TLN2: variants seen among roughly 807,000 people sequenced by gnomAD.
TLN2 encodes talin 2, also known as talin-2.
Under a neutral mutation model 294.7 loss-of-function variants are expected in TLN2, and 118 were observed. The ratio of observed to expected loss-of-function variants is 0.40; its 90% CI spans 0.34 to 0.47. The LOEUF (loss-of-function observed/expected upper bound fraction) is 0.47, where lower values mean the gene tolerates loss of function less well. TLN2 is among the 20% of genes least tolerant of loss of function. The pLI, the probability that TLN2 is intolerant of heterozygous loss-of-function variation, is 0.84. For missense variants in TLN2, 3,083 were observed against 3,282.2 expected, an observed-to-expected ratio of 0.94 and a Z score of 1.48; for synonymous variants, 1,431 against 1,304.5, an observed-to-expected ratio of 1.10 and a Z score of -2.09.
chr15:62,445,912 A>G (rs2035796259), intron 1 of TLN2, among the ~76,000 whole-genome samples: 1 of 152,170 alleles, frequency 6.6e-6, no homozygotes, highest in East Asian at 1.9e-4. Context: ...GATCCTCCCA[A>G]AGTGCTGGGA....
intron 1 of TLN2, among the ~76,000 whole-genome samples, chr15:62,523,632 T>C (rs2140478532): frequency 6.6e-6 from 1 of 152,352 alleles, no homozygotes. Context: ...GTAATTGATA[T>C]ATCAAATGGG....
intron 1 of TLN2, among the ~76,000 whole-genome samples, chr15:62,461,179 C>T (rs376037942): frequency 8.6e-5 from 13 of 151,994 alleles, no homozygotes; most frequent in Admixed American, 7.2e-4. Context: ...CGAACTTCCT[C>T]GTGATCCGCC....
At chr15:62,410,112 T>G (rs1031857524) in intron 1 of TLN2, among the ~76,000 whole-genome samples, 5 of 151,992 alleles carry the variant, frequency 3.3e-5, no homozygotes, top group African/African-American at 9.6e-5. Flanking sequence ...CGTGGTGGTG[T>G]GCGCCTGTAA....
intron 3 of TLN2, among the ~76,000 whole-genome samples, chr15:62,632,011 T>G (rs747211002): frequency 6.8e-4 from 103 of 152,270 alleles, no homozygotes; most frequent in Non-Finnish European, 8.7e-4. Context: ...GTACAGCCAT[T>G]GGACCACCGG....
chr15:62,462,142 G>A (rs1243549076), intron 1 of TLN2, among the ~76,000 whole-genome samples: 2 of 152,242 alleles, frequency 1.3e-5, no homozygotes, highest in Non-Finnish European at 2.9e-5. Flanking sequence ...GCTGAGGCAG[G>A]AGAATTGCTT....
At chr15:62,472,409 C>T (rs1230616564) in intron 1 of TLN2, among the ~76,000 whole-genome samples, 4 of 152,148 alleles carry the variant, frequency 2.6e-5, no homozygotes, top group African/African-American at 7.2e-5. Context: ...GGCAGGGATG[C>T]GGCTCCCTTC....
intron 1 of TLN2, among the ~76,000 whole-genome samples, chr15:62,398,742 G>A (rs2032767227): frequency 6.6e-6 from 1 of 152,180 alleles, no homozygotes; most frequent in Non-Finnish European, 1.5e-5. Flanking sequence ...ATTTGAGAGA[G>A]ATGATTTAGG....
In TLN2 at chr15:62,654,236, G is replaced by A. The variant is rs1264375214; in HGVS notation, c.517+922G>A. On this transcript the variant is annotated intron_variant, in intron 7 of 58. Coordinates refer to ENST00000636159, the MANE Select transcript of TLN2 (RefSeq NM_015059.3). ...TCATACAGTCTGGATTTTCTTCATT[G>A]CATACCTATGGTGTCATTTAACATG... is the stretch of plus-strand genomic sequence containing the variant. Among the ~76,000 whole-genome samples the A allele has an allele frequency of 2.0e-5, 3 of 152,258 alleles. No individual in the cohort carries two copies. The East Asian group carries it at 5.8e-4, about 29-fold the overall frequency.
At chr15:62,398,052 G>T (rs2032704031) in intron 1 of TLN2, among the ~76,000 whole-genome samples, 1 of 152,156 alleles carries the variant, frequency 6.6e-6, no homozygotes, top group Admixed American at 6.5e-5. Flanking sequence ...GCCGTGTTAT[G>T]GATGTGATAT....
chr15:62,516,980 A>G (rs1375108029), intron 1 of TLN2, among the ~76,000 whole-genome samples: 3 of 152,112 alleles, frequency 2.0e-5, no homozygotes, highest in East Asian at 1.9e-4. Flanking sequence ...TGTTCTGACT[A>G]TGATGCTGTA....
At chr15:62,795,263 G>A (rs1008120321) in intron 46 of TLN2, among the ~76,000 whole-genome samples, 2 of 152,194 alleles carry the variant, frequency 1.3e-5, no homozygotes, top group Admixed American at 6.5e-5. Flanking sequence ...CGCAGACCCA[G>A]GGTGGAGAGG....
intron 24 of TLN2, among the ~76,000 whole-genome samples, chr15:62,718,287 A>G (rs1248349229): frequency 6.6e-6 from 1 of 152,154 alleles, no homozygotes; most frequent in Admixed American, 6.5e-5. Context: ...GCTCCTCTTA[A>G]TGGTGGCAGA....
At chr15:62,663,562 G>C (rs902858539) in intron 9 of TLN2, among the ~76,000 whole-genome samples, 5 of 150,526 alleles carry the variant, frequency 3.3e-5, no homozygotes, top group Non-Finnish European at 7.4e-5. Flanking sequence ...GAATTAACAA[G>C]ACTTTTAAGT....
intron 13 of TLN2, 142 bp from the exon 14 acceptor site, chr15:62,694,174 A>G: frequency 3.3e-6 from 2 of 600,608 alleles, no homozygotes; most frequent in Admixed American, 2.8e-5. Flanking sequence ...ACGGGGTCTC[A>G]CTGTGTTGAC....
chr15:62,553,238 G>A (rs899433325), intron 1 of TLN2, among the ~76,000 whole-genome samples: 3 of 152,144 alleles, frequency 2.0e-5, no homozygotes, highest in Non-Finnish European at 2.9e-5. Context: ...GCTCACTCCT[G>A]TAATCCCAGC....
At chr15:62,414,087 TG>T (rs1198898209) in intron 1 of TLN2, among the ~76,000 whole-genome samples, 1 of 130,384 alleles carries the variant, frequency 7.7e-6, no homozygotes, top group Non-Finnish European at 1.6e-5. Flanking sequence ...GTTTTGGCTG[TG>T]GCAGCTGGGC....
At chr15:62,529,474 G>C (rs1052383095) in intron 1 of TLN2, among the ~76,000 whole-genome samples, 2 of 151,332 alleles carry the variant, frequency 1.3e-5, no homozygotes, top group African/African-American at 4.9e-5. Context: ...ACACTCAGGT[G>C]GTCTCTCGTG....
intron 3 of TLN2, among the ~76,000 whole-genome samples, chr15:62,624,130 T>A (rs996010169): frequency 1.3e-5 from 2 of 152,174 alleles, no homozygotes; most frequent in African/African-American, 2.4e-5. Flanking sequence ...TCAGAAATAA[T>A]ATATTAGTGT....
intron 1 of TLN2, among the ~76,000 whole-genome samples, chr15:62,526,225 G>T (rs1175781603): frequency 2.0e-5 from 3 of 152,112 alleles, no homozygotes; most frequent in Non-Finnish European, 4.4e-5. Context: ...TGCCTCCCAG[G>T]TTCAAGCGAT....
Sources: allele counts gnomAD v4.1 joint callset (sites outside exome capture counted in the v4.1 genomes callset), GRCh38; gene constraint gnomAD v4.1.1; transcripts MANE v1.5; gene names NCBI Gene and HGNC (gene_info 2026-07-23, HGNC 2026-07-21).